The following ATRN variants were observed in gnomAD, a reference collection of about 807,000 sequenced individuals.
ATRN encodes the protein attractin.
A neutral mutation model predicts 178.7 loss-of-function variants in ATRN; 54 were observed. The observed-to-expected ratio is 0.30, with a 90% CI of 0.24 to 0.38. The LOEUF (loss-of-function observed/expected upper bound fraction) is 0.38. Ranked by LOEUF, ATRN falls within the 10% of genes least tolerant of loss-of-function variation. The pLI, the probability that ATRN is intolerant of heterozygous loss-of-function variation, is 1.00. For missense variants in ATRN, 1,443 were observed against 1,815.1 expected (o/e 0.79, Z 3.73); for synonymous variants, 636 against 663.0 (o/e 0.96, Z 0.63).
intron 23 of ATRN, among the ~76,000 whole-genome samples, chr20:3,603,238 C>T (rs1479392377): frequency 6.6e-6 from 1 of 152,098 alleles, no homozygotes; most frequent in Admixed American, 6.5e-5. Context: ...TTGAACCCCT[C>T]CTCCCTGCTA....
chr20:3,494,974 C>A (rs2146096363), intron 1 of ATRN, among the ~76,000 whole-genome samples: 1 of 152,116 alleles, frequency 6.6e-6, no homozygotes, highest in Admixed American at 6.5e-5. Flanking sequence ...TTTAATTATC[C>A]TTGTGGATGG....
At chr20:3,524,707 C>T (rs1035537637) in intron 1 of ATRN, among the ~76,000 whole-genome samples, 17 of 151,528 alleles carry the variant, frequency 1.1e-4, no homozygotes, top group Middle Eastern at 3.4e-3. Context: ...GAAATCATAA[C>T]GTCCCTCAGA....
chr20:3,484,320 T>A (rs1384813103), intron 1 of ATRN, among the ~76,000 whole-genome samples: 2 of 151,954 alleles, frequency 1.3e-5, no homozygotes, highest in East Asian at 3.8e-4. Flanking sequence ...CCTTTATGGC[T>A]TGTCCTTTTT....
At chr20:3,621,610 A>C (rs556679753) in intron 24 of ATRN, among the ~76,000 whole-genome samples, 25 of 152,320 alleles carry the variant, frequency 1.6e-4, no homozygotes, top group African/African-American at 5.5e-4. Flanking sequence ...TTTATTTATA[A>C]AATAAGAATT....
chr20:3,517,502 G>A (rs1006146241), intron 1 of ATRN, among the ~76,000 whole-genome samples: 47 of 151,514 alleles, frequency 3.1e-4, no homozygotes, highest in African/African-American at 1.1e-3. Context: ...AACCAGAAAA[G>A]CCTTTTAAAA....
chr20:3,548,484 C>T (rs1163593839), intron 5 of ATRN, among the ~76,000 whole-genome samples: 1 of 151,464 alleles, frequency 6.6e-6, no homozygotes, highest in Non-Finnish European at 1.5e-5. Flanking sequence ...ACCTGTAATC[C>T]CAGCTACTTG....
intron 1 of ATRN, among the ~76,000 whole-genome samples, chr20:3,504,688 G>GATAATAATAATAATA (rs60176330): frequency 7.4e-6 from 1 of 135,936 alleles, no homozygotes; most frequent in East Asian, 2.2e-4. Context: ...TCTGTCTTAA[G>GATAATAATAATAATA]ATAATAATAA....
intron 25 of ATRN, among the ~76,000 whole-genome samples, chr20:3,630,869 A>G (rs1320136831): frequency 1.4e-5 from 2 of 145,228 alleles, no homozygotes; most frequent in African/African-American, 5.1e-5. Context: ...TGGGGAAGAA[A>G]ATATTTTCCC....
At chr20:3,510,601 G>T (rs1457643069) in intron 1 of ATRN, among the ~76,000 whole-genome samples, 2 of 151,932 alleles carry the variant, frequency 1.3e-5, no homozygotes, top group African/African-American at 2.4e-5. Context: ...TTTTGCGTTT[G>T]TTTTGTTTTC....
rs1221594875 is a variant in ATRN, at chr20:3,589,731, G to A, written c.3185-1438G>A. Reference sequence around the variant, plus strand: ...GTGGTATGATGTCCTGGAAAAGCTAGCAAGCCAGCCTCAGGACACTCCAGC... The same window carrying A: ...GTGGTATGATGTCCTGGAAAAGCTAACAAGCCAGCCTCAGGACACTCCAGC... On this transcript the variant is annotated intron_variant, in intron 18 of 28. Transcript: ENST00000262919. Among the ~76,000 whole-genome samples the A allele has an allele frequency of 4.6e-5, 7 of 152,178 alleles. No individual in the cohort carries two copies. In the South Asian group the frequency reaches 6.2e-4, roughly 14 times the overall value.
At chr20:3,555,063 T>G (rs1050469956) in intron 6 of ATRN, among the ~76,000 whole-genome samples, 1 of 143,206 alleles carries the variant, frequency 7.0e-6, no homozygotes, top group African/African-American at 2.7e-5. Flanking sequence ...TGCAGTGGCG[T>G]GATCTCGGCT....
chr20:3,598,090 G>A lies in ATRN; in HGVS notation c.3564+90G>A, dbSNP rs907606813. On this transcript the variant is annotated intron_variant, in intron 22 of 28. Coordinates refer to ENST00000262919, the MANE Select transcript of ATRN (RefSeq NM_139321.3). ...CGGATGGACGTACTGCCTTAACAGT[G>A]CTCTCCAGACTGGAGTACACGAGAT... The A allele has an allele frequency of 3.6e-6, 3 of 827,128 alleles. No individual in the cohort carries two copies. In the African/African-American group the frequency reaches 5.0e-5, roughly 14 times the overall value. The allele number at this position is 827,128 out of a possible 1,614,324, so 51.2% of individuals were successfully genotyped here.
At chr20:3,489,868 T>C (rs1248949415) in intron 1 of ATRN, 24 of 1,302,796 alleles carry the variant, frequency 1.8e-5, no homozygotes, top group Non-Finnish European at 2.3e-5. Context: ...GGAATGCGTT[T>C]GCCATCCCAG....
chr20:3,626,790 T>TTC (rs1188521605), intron 25 of ATRN, among the ~76,000 whole-genome samples: 1 of 149,576 alleles, frequency 6.7e-6, no homozygotes, highest in African/African-American at 2.5e-5. Context: ...TCTTTTTTTT[T>TTC]TTTTTTTTTT....
chr20:3,481,112 C>G (rs1435837345), intron 1 of ATRN, among the ~76,000 whole-genome samples: 3 of 151,902 alleles, frequency 2.0e-5, no homozygotes, highest in Non-Finnish European at 4.4e-5. Flanking sequence ...TTCATTTTTA[C>G]TTTGTTCCTT....
chr20:3,596,003 G>A (rs951408396), intron 20 of ATRN, among the ~76,000 whole-genome samples: 6 of 152,178 alleles, frequency 3.9e-5, no homozygotes, highest in African/African-American at 1.4e-4. Flanking sequence ...TTTATCCAGG[G>A]AACATAGGAA....
chr20:3,565,253 G>T lies in ATRN; in HGVS notation c.1787-95G>T, dbSNP rs577093680. On this transcript the variant is annotated intron_variant, in intron 10 of 28. Transcript: ENST00000262919. ...AAAATTGAGAGGCATGTTTTATGAG[G>T]TTCTCTTTGTTGTAGTATTTTTCCC... The T allele has an allele frequency of 1.8e-5, 16 of 891,594 alleles. No individual in the cohort carries two copies. In the South Asian group the frequency reaches 2.6e-4, roughly 14 times the overall value. The allele number at this position is 891,594 out of a possible 1,614,324, so 55.2% of individuals were successfully genotyped here. A position where few individuals can be genotyped will look rare whatever the true frequency, so the allele number is the denominator to read the frequency against.
At position 3,634,499 on chromosome 20, in the gene ATRN, T is replaced by C. The variant is rs1478589598; in HGVS notation, c.3942+110T>C. 6.5e-6 allele frequency: 6 copies of C among 920,122 alleles called. No homozygotes were observed. In the African/African-American group the frequency reaches 1.0e-4, roughly 15 times the overall value. 57.0% of individuals were successfully genotyped at this position (920,122 alleles called of 1,614,324 possible). On this transcript the variant is annotated intron_variant, in intron 26 of 28. Transcript: ENST00000262919. Reference sequence around the variant, plus strand: ...TTTAGTGATAATGGACAGACAGACATCTCCACGGAAGGAATAATGCAGCCC... The same window carrying C: ...TTTAGTGATAATGGACAGACAGACACCTCCACGGAAGGAATAATGCAGCCC...
At chr20:3,505,283 CTCTGG>C (rs1194595899) in intron 1 of ATRN, among the ~76,000 whole-genome samples, 3 of 152,184 alleles carry the variant, frequency 2.0e-5, no homozygotes, top group Non-Finnish European at 4.4e-5. Context: ...ACTCCAGGCT[CTCTGG>C]CCCTCAGACT....
Sources: allele counts gnomAD v4.1 joint callset (sites outside exome capture counted in the v4.1 genomes callset), GRCh38; gene constraint gnomAD v4.1.1; transcripts MANE v1.5; gene names NCBI Gene and HGNC (gene_info 2026-07-23, HGNC 2026-07-21).